CHRNB1: variants seen among roughly 807,000 people sequenced by gnomAD.
CHRNB1 encodes acetylcholine receptor subunit beta.
Under a neutral mutation model 53.8 loss-of-function variants are expected in CHRNB1, and 47 were observed. The ratio of observed to expected loss-of-function variants is 0.87; its 90% CI spans 0.69 to 1.11. The LOEUF is 1.11. Ranked by LOEUF, CHRNB1 falls within the 50% of genes most tolerant of loss-of-function variation. The pLI is 0.00. For missense variants in CHRNB1, 605 were observed against 654.9 expected (o/e 0.92, Z 0.83); for synonymous variants, 259 against 263.5 (o/e 0.98, Z 0.16).
chr17:7,452,927 G>C (rs1178380941), intron 7 of CHRNB1, among the ~76,000 whole-genome samples: 8 of 152,292 alleles, frequency 5.3e-5, no homozygotes, highest in Admixed American at 3.3e-4. Context: ...GGGAGGCTAA[G>C]ACAGGAGAAC....
Position 7,457,096 on chromosome 17 carries a change from T to C in CHRNB1, c.*373T>C. 3.8e-6 allele frequency: 1 copy of C among 262,020 alleles called. No homozygotes were observed. Among genetic ancestry groups the C allele is most frequent in the Non-Finnish European group, 7.6e-6 (1 of 131,188 alleles). 16.2% of individuals were successfully genotyped at this position (262,020 alleles called of 1,614,324 possible). Reference sequence around the variant, plus strand: ...ACTTTGGGAGGCCAAGGCGGGCGGATCACCTGAGGTCGGGAGTTTGAGACC... The same window carrying C: ...ACTTTGGGAGGCCAAGGCGGGCGGACCACCTGAGGTCGGGAGTTTGAGACC... On this transcript the variant is annotated 3_prime_UTR_variant, in exon 11 of 11. Transcript: ENST00000306071.
chr17:7,446,327 CTGTGTGTGTG>C (rs58239884), intron 3 of CHRNB1: 262 of 235,070 alleles, frequency 1.1e-3, no homozygotes, highest in East Asian at 5.3e-3. Context: ...GTGTGTGTGT[CTGTGTGTGTG>C]TGTGTGTGTG....
intron 7 of CHRNB1, among the ~76,000 whole-genome samples, chr17:7,452,772 C>A (rs1908935450): frequency 6.6e-6 from 1 of 152,228 alleles, no homozygotes; most frequent in African/African-American, 2.4e-5. Flanking sequence ...CCTGTAATCC[C>A]AGCACTTTGG....
Position 7,445,275 on chromosome 17 carries a change from C to T in CHRNB1, c.64C>T (p.Arg22Cys). The T allele has an allele frequency of 1.9e-6, 3 of 1,612,810 alleles. No homozygotes were observed. Among genetic ancestry groups the T allele is most frequent in the Non-Finnish European group, 2.5e-6 (3 of 1,179,734 alleles). The change falls in exon 2 of 11, where the codon CGC (arginine) becomes TGC (cysteine). Residue 22 changes from arginine (R) to cysteine (C), a missense_variant. By Grantham distance (180) the Arg-to-Cys change is radical (BLOSUM62 -3). Transcript: ENST00000306071. This position sits in a 1 kb window ranked among gnomAD's most constrained non-coding sequence, Gnocchi z 5.7. ...ALGAPLAPGV[R>C]GSEAEGRLRE... ...CTTATTCTCTCCTCCCCCAGGCGTC[C>T]GCGGCTCGGAGGCGGAGGGTCGACT...
rs186789428 is a variant in CHRNB1 at position 7,448,551 on chromosome 17, G to T, written c.611-28G>T. Reference sequence around the variant, plus strand: ...ACTAACCAGGACAGCTCTCACATCTGTGTTCCCCTCCTTCTGCTCATCCCC... The same window carrying T: ...ACTAACCAGGACAGCTCTCACATCTTTGTTCCCCTCCTTCTGCTCATCCCC... On this transcript the variant is annotated intron_variant, in intron 6 of 10. Coordinates refer to ENST00000306071, the MANE Select transcript of CHRNB1 (RefSeq NM_000747.3). 687 of 1,611,478 alleles carry T rather than the reference G, an allele frequency of 4.3e-4. 6 individuals carry two copies. The African/African-American group carries it at 8.6e-3, about 20-fold the overall frequency.
Position 7,451,897 on chromosome 17 carries a change from G to A in CHRNB1, c.821-2400G>A, listed in dbSNP as rs551992348. On this transcript the variant is annotated intron_variant, in intron 7 of 10. Transcript: ENST00000306071. Reference sequence around the variant, plus strand: ...CATGCTCAGCAGTCAGGGCCACTGAGGCCACAGCCCCGCCGCCACCCACAC... The same window carrying A: ...CATGCTCAGCAGTCAGGGCCACTGAAGCCACAGCCCCGCCGCCACCCACAC... 1.2e-4 allele frequency among the ~76,000 whole-genome samples: 19 copies of A among 152,302 alleles called. No homozygotes were observed. In the East Asian group the frequency reaches 3.7e-3, roughly 29 times the overall value.
chr17:7,455,227 T>C, intron 8 of CHRNB1, 57 bp from the exon 9 acceptor site: 1 of 1,607,082 alleles, frequency 6.2e-7, no homozygotes, highest in Non-Finnish European at 8.5e-7. Flanking sequence ...GTTGGCTGTT[T>C]CCCTTCTGGT....
rs1382525209 is a variant in CHRNB1 at position 7,455,352 on chromosome 17, G to A, written c.1113G>A (p.Pro371=). 1 of 1,614,086 alleles carries A rather than the reference G, an allele frequency of 6.2e-7. No individual in the cohort carries two copies. Among genetic ancestry groups the A allele is most frequent in the South Asian group, 1.1e-5 (1 of 91,070 alleles). ...CCAAACCCGAGAGAGACCTGATGCC[G>A]GAGCCCCCTCACTGTTCTTCTCCAG... The part of the protein sequence containing the change: ...KRPKPERDLM[P]EPPHCSSPGS... Residue 371 remains proline, a synonymous_variant, in exon 9 of 11, where the codon CCG becomes CCA. Transcript: ENST00000306071.
intron 10 of CHRNB1, 31 bp downstream of exon 10, chr17:7,455,972 G>A: frequency 6.2e-7 from 1 of 1,612,702 alleles, no homozygotes; most frequent in Non-Finnish European, 8.5e-7. Flanking sequence ...ACAAGGCCAG[G>A]TCTAGGCGAC....
chr17:7,456,774 G>C lies in CHRNB1; in HGVS notation c.*51G>C, dbSNP rs1377028214. On this transcript the variant is annotated 3_prime_UTR_variant, in exon 11 of 11. Transcript: ENST00000306071. ...CCCTGCCAGTTGAAGTGAGAGTTTG[G>C]TGATACTGTCAAGCCCTATCCTTCT... is the stretch of plus-strand genomic sequence containing the variant. 6 of 1,610,546 alleles carry C rather than the reference G, an allele frequency of 3.7e-6. No homozygotes were observed. Among genetic ancestry groups the C allele is most frequent in the Non-Finnish European group, 4.2e-6 (5 of 1,177,166 alleles).
At position 7,447,595 on chromosome 17, in the gene CHRNB1, G is replaced by T; in HGVS notation, c.555G>T (p.Leu185=). 6.2e-7 allele frequency: 1 copy of T among 1,614,206 alleles called. No individual in the cohort carries two copies. Among genetic ancestry groups the T allele is most frequent in the Non-Finnish European group, 8.5e-7 (1 of 1,180,038 alleles). ...CGGAGGTCAGCCTGCAGACAGGCCTGGGTCCTGACGGGCAAGGGCATCAGG... is the reference window on the plus strand; with the variant it reads ...CGGAGGTCAGCCTGCAGACAGGCCTTGGTCCTGACGGGCAAGGGCATCAGG... The part of the protein sequence containing the change: ...DSSEVSLQTG[L]GPDGQGHQEI... The change falls in exon 6 of 11, where the codon CTG becomes CTT. Residue 185 remains leucine (L), a synonymous_variant. Transcript: ENST00000306071.
At chr17:7,454,922 C>A (rs1909022823) in intron 8 of CHRNB1, among the ~76,000 whole-genome samples, 1 of 150,704 alleles carries the variant, frequency 6.6e-6, no homozygotes, top group African/African-American at 2.4e-5. Flanking sequence ...CCTGCCTGAG[C>A]CTCCCAAGTA....
intron 7 of CHRNB1, among the ~76,000 whole-genome samples, chr17:7,453,371 G>A (rs1426577723): frequency 3.3e-5 from 5 of 152,000 alleles, no homozygotes; most frequent in East Asian, 1.9e-4. Context: ...CGCCTGCCTC[G>A]GCCTCGCAAA....
At position 7,445,097 on chromosome 17, in the gene CHRNB1, T is replaced by C; in HGVS notation, c.-31T>C. ...TGTGCTGGCGGTCCCAGCGGCTCTC[T>C]GAGCGAAGTCACTGAGCGAGCCGCC... On this transcript the variant is annotated 5_prime_UTR_variant, in exon 1 of 11. Transcript: ENST00000306071. The surrounding 1 kb of genome is among the most constrained non-coding windows in gnomAD (Gnocchi z 5.7). 1 of 1,602,594 alleles carries C rather than the reference T, an allele frequency of 6.2e-7. No individual in the cohort carries two copies. The highest frequency in any genetic ancestry group is 8.5e-7 in the Non-Finnish European group (1 of 1,177,996).
chr17:7,452,612 T>G (rs1487968442), intron 7 of CHRNB1, among the ~76,000 whole-genome samples: 1 of 152,224 alleles, frequency 6.6e-6, no homozygotes, highest in Non-Finnish European at 1.5e-5. Flanking sequence ...CAGTTTACCA[T>G]TGCCATGGAA....
chr17:7,455,556 G>T (rs2069941031), intron 9 of CHRNB1, 100 bp downstream of exon 9: 4 of 1,448,170 alleles, frequency 2.8e-6, no homozygotes, highest in Non-Finnish European at 3.9e-6. Context: ...AAGACGCTGT[G>T]GTTGAGCATC....
intron 8 of CHRNB1, among the ~76,000 whole-genome samples, chr17:7,455,012 A>T (rs1322217676): frequency 2.0e-5 from 3 of 151,902 alleles, no homozygotes; most frequent in Non-Finnish European, 4.4e-5. Flanking sequence ...CATGTTGGCC[A>T]GGCTGGTCTT....
chr17:7,448,553 G>C (rs761122129), intron 6 of CHRNB1, 26 bp from the exon 7 acceptor site: 2 of 1,612,118 alleles, frequency 1.2e-6, no homozygotes, highest in African/African-American at 2.7e-5. Flanking sequence ...TCACATCTGT[G>C]TTCCCCTCCT....
At chr17:7,451,255 T>TTTTCC (rs1908872514) in intron 7 of CHRNB1, among the ~76,000 whole-genome samples, 1 of 136,768 alleles carries the variant, frequency 7.3e-6, no homozygotes, top group Non-Finnish European at 1.6e-5. Context: ...TTTCAGGTTC[T>TTTTCC]TTTCTTTTCT....
Sources: gnomAD v4.1 joint callset for allele counts (sites outside exome capture counted in the v4.1 genomes callset) on GRCh38, gnomAD v4.1.1 for gene constraint, Gnocchi (gnomAD v3.1) non-coding constraint, MANE v1.5 for transcripts, NCBI Gene and HGNC (gene_info 2026-07-23, HGNC 2026-07-21) for gene names.